The following DPH6 variants were observed in gnomAD, a reference collection of about 807,000 sequenced individuals.
DPH6 encodes diphthamine biosynthesis 6, also known as diphthine--ammonia ligase.
A neutral mutation model predicts 38.2 loss-of-function variants in DPH6; 33 were observed. The observed-to-expected ratio is 0.86, with a 90% CI of 0.65 to 1.15. The LOEUF (loss-of-function observed/expected upper bound fraction) is 1.15, where lower values mean the gene tolerates loss of function less well. DPH6 is among the 50% of genes most tolerant of loss of function. The pLI is 0.00. For synonymous variants in DPH6, 108 were observed against 103.0 expected, an observed-to-expected ratio of 1.05 and a Z score of -0.30; for missense variants, 325 against 320.0, an observed-to-expected ratio of 1.02 and a Z score of -0.12.
chr15:35,488,595 T>C (rs1031197522), intron 3 of DPH6, among the ~76,000 whole-genome samples: 2 of 149,514 alleles, frequency 1.3e-5, no homozygotes, highest in Non-Finnish European at 2.9e-5. Flanking sequence ...ACCCCCATGA[T>C]CCAAACACCT....
intron 3 of DPH6, among the ~76,000 whole-genome samples, chr15:35,336,636 TTGAG>T (rs2052375189): frequency 1.3e-5 from 2 of 152,186 alleles, no homozygotes; most frequent in African/African-American, 4.8e-5. Flanking sequence ...ACCTAATTTA[TTGAG>T]TGTTTTTAGC....
chr15:35,168,456 C>T, the DPH6 span, among the ~76,000 whole-genome samples: 16 of 151,950 alleles, frequency 1.1e-4, no homozygotes, highest in Admixed American at 3.9e-4. Flanking sequence ...AATGCTGCCT[C>T]TAAATTTAAT....
chr15:35,464,453 T>A (rs1482793886), intron 3 of DPH6, among the ~76,000 whole-genome samples: 1 of 152,200 alleles, frequency 6.6e-6, no homozygotes, highest in East Asian at 1.9e-4. Flanking sequence ...TTCTTTGTCC[T>A]TCTAGATGAT....
At chr15:35,377,837 C>A (rs74726664) in intron 7 of DPH6, among the ~76,000 whole-genome samples, 4,007 of 151,814 alleles carry the variant, frequency 0.026, 79 homozygotes, top group Non-Finnish European at 0.042. Flanking sequence ...TAATAAACTT[C>A]TACTTATTTA....
At chr15:35,445,158 C>G (rs1460633352) in intron 5 of DPH6, among the ~76,000 whole-genome samples, 1 of 152,026 alleles carries the variant, frequency 6.6e-6, no homozygotes, top group African/African-American at 2.4e-5. Flanking sequence ...ACATCCAAAT[C>G]CATCTCCCTC....
Position 35,391,138 on chromosome 15 carries a change from C to T in DPH6, c.568-9222G>A, listed in dbSNP as rs562824385. Among the ~76,000 whole-genome samples the T allele has an allele frequency of 4.6e-5, 7 of 152,272 alleles. No individual in the cohort carries two copies. In the East Asian group the frequency reaches 5.8e-4, roughly 13 times the overall value. ...ACCCTATTTGCCTGGGTATCAGCAGCGGAGGCTGCAGAACAGTGGATATTG... is the reference window on the plus strand; with the variant it reads ...ACCCTATTTGCCTGGGTATCAGCAGTGGAGGCTGCAGAACAGTGGATATTG... On this transcript the variant is annotated intron_variant, in intron 6 of 8. Transcript: ENST00000256538.
At chr15:35,442,602 TAAAG>T (rs1051879497) in intron 5 of DPH6, among the ~76,000 whole-genome samples, 4 of 152,056 alleles carry the variant, frequency 2.6e-5, no homozygotes, top group Admixed American at 2.6e-4. Flanking sequence ...TTATTCATAA[TAAAG>T]AAAAAATGGA....
intron 3 of DPH6, among the ~76,000 whole-genome samples, chr15:35,463,558 T>C (rs1395137202): frequency 1.3e-5 from 2 of 152,136 alleles, no homozygotes; most frequent in African/African-American, 4.8e-5. Context: ...ACTAATGATA[T>C]AAGGCTAAGC....
At chr15:35,398,683 C>G (rs899685158) in intron 6 of DPH6, among the ~76,000 whole-genome samples, 1 of 152,154 alleles carries the variant, frequency 6.6e-6, no homozygotes. Flanking sequence ...GCTGTTCTAG[C>G]AAATTAACAG....
intron 3 of DPH6, among the ~76,000 whole-genome samples, chr15:35,321,843 G>A (rs1350300556): frequency 6.6e-6 from 1 of 152,140 alleles, no homozygotes; most frequent in Non-Finnish European, 1.5e-5. Context: ...AATTCACTGA[G>A]ATTCTGGCAT....
chr15:35,324,980 T>C (rs773088215), intron 3 of DPH6, among the ~76,000 whole-genome samples: 1 of 152,146 alleles, frequency 6.6e-6, no homozygotes, highest in South Asian at 2.1e-4. Context: ...AGCTGGAAGA[T>C]TGAGCTGAAG....
In DPH6 at chr15:35,373,582, G is replaced by T; in HGVS notation, c.689C>A (p.Ser230Ter). The change falls in exon 8 of 9, where the codon TCA becomes TAA. Residue 230 changes from serine to a stop codon, truncating the protein, a stop_gained. Transcript: ENST00000256538. LOFTEE classifies it high-confidence loss of function. ...IVDSSEVVIH[S>*]ADAFAPVAYL... ...AGCCACAGGTGCAAATGCATCAGCTGAATGTATGACTACTTCTGATGAATC... is the reference window on the plus strand; with the variant it reads ...AGCCACAGGTGCAAATGCATCAGCTTAATGTATGACTACTTCTGATGAATC... The T allele has an allele frequency of 6.2e-7, 1 of 1,609,004 alleles. No homozygotes were observed. The highest frequency in any genetic ancestry group is 8.5e-7 in the Non-Finnish European group (1 of 1,177,500).
chr15:35,318,756 A>C (rs1247114848), intron 3 of DPH6, among the ~76,000 whole-genome samples: 1 of 152,144 alleles, frequency 6.6e-6, no homozygotes, highest in Non-Finnish European at 1.5e-5. Flanking sequence ...TCATTTTCAC[A>C]GTTAAAAACT....
At chr15:35,496,706 A>C (rs982197856) in intron 3 of DPH6, among the ~76,000 whole-genome samples, 1 of 151,088 alleles carries the variant, frequency 6.6e-6, no homozygotes, top group Non-Finnish European at 1.5e-5. Flanking sequence ...ATGTGAAAAA[A>C]ATTTTCAATC....
At chr15:35,152,993 A>G in the DPH6 span, among the ~76,000 whole-genome samples, 1 of 152,256 alleles carries the variant, frequency 6.6e-6, no homozygotes, top group African/African-American at 2.4e-5. Context: ...AGGGGTTGGC[A>G]AACTACAGCC....
the DPH6 span, among the ~76,000 whole-genome samples, chr15:35,171,356 T>C: frequency 3.3e-5 from 5 of 152,332 alleles, no homozygotes; most frequent in African/African-American, 1.2e-4. Flanking sequence ...ATCTGGATGT[T>C]GATGTCAGAA....
intron 3 of DPH6, among the ~76,000 whole-genome samples, chr15:35,530,272 A>G (rs1373851762): frequency 1.3e-5 from 2 of 152,156 alleles, no homozygotes; most frequent in African/African-American, 4.8e-5. Flanking sequence ...CATCTACAAA[A>G]GGTTTCTTTA....
chr15:35,396,626 T>C (rs1342259265), intron 6 of DPH6, among the ~76,000 whole-genome samples: 1 of 152,210 alleles, frequency 6.6e-6, no homozygotes, highest in East Asian at 1.9e-4. Flanking sequence ...TCCTTGAAAT[T>C]CTGTGATACA....
At chr15:35,457,680 T>A (rs572046192) in intron 3 of DPH6, among the ~76,000 whole-genome samples, 2 of 152,358 alleles carry the variant, frequency 1.3e-5, no homozygotes, top group African/African-American at 4.8e-5. Context: ...AATTTCTCTG[T>A]GTCTGTTTCC....
Sources: gnomAD v4.1 joint callset for allele counts (sites outside exome capture counted in the v4.1 genomes callset) on GRCh38, gnomAD v4.1.1 for gene constraint, MANE v1.5 for transcripts, NCBI Gene and HGNC (gene_info 2026-07-23, HGNC 2026-07-21) for gene names.